The following INTS4 variants were observed in gnomAD, a reference collection of about 807,000 sequenced individuals.
INTS4 encodes the protein integrator complex subunit 4.
Under a neutral mutation model 119.5 loss-of-function variants are expected in INTS4, and 70 were observed. The ratio of observed to expected loss-of-function variants is 0.59; its 90% confidence interval spans 0.48 to 0.71. The LOEUF (loss-of-function observed/expected upper bound fraction) is 0.71, where lower values mean the gene tolerates loss of function less well. Among genes scored for constraint, INTS4 ranks in the 30% least tolerant of loss-of-function variants. INTS4 has a pLI of 0.00. For missense variants in INTS4, 867 were observed against 1,173.2 expected, an observed-to-expected ratio of 0.74 and a Z score of 3.81; for synonymous variants, 316 against 419.6, an observed-to-expected ratio of 0.75 and a Z score of 3.02.
chr11:77,981,090 T>C (rs1856193063), intron 3 of INTS4, among the ~76,000 whole-genome samples: 3 of 149,580 alleles, frequency 2.0e-5, no homozygotes, highest in South Asian at 4.2e-4. Context: ...TAGGGTAATA[T>C]ATAGCAAGGG....
intron 4 of INTS4, among the ~76,000 whole-genome samples, chr11:77,969,849 G>A (rs1019172745): frequency 2.6e-5 from 4 of 151,004 alleles, no homozygotes; most frequent in Non-Finnish European, 5.9e-5. Flanking sequence ...AACCACTAAC[G>A]TACTTTCTGT....
At chr11:77,911,840 C>T (rs1219600254) in intron 15 of INTS4, among the ~76,000 whole-genome samples, 1 of 152,168 alleles carries the variant, frequency 6.6e-6, no homozygotes, top group Non-Finnish European at 1.5e-5. Flanking sequence ...ATATGAATTG[C>T]AATTAATCCT....
intron 4 of INTS4, among the ~76,000 whole-genome samples, chr11:77,964,078 C>T (rs1855376259): frequency 6.6e-6 from 1 of 152,132 alleles, no homozygotes; most frequent in Admixed American, 6.6e-5. Context: ...TTCAGTTGTG[C>T]AGATGCTACA....
intron 10 of INTS4, among the ~76,000 whole-genome samples, chr11:77,932,214 A>C (rs983036490): frequency 1.1e-4 from 17 of 151,962 alleles, no homozygotes; most frequent in African/African-American, 3.6e-4. Context: ...AATATCCAGA[A>C]TCTACAAGGA....
chr11:77,960,068 T>G (rs1453198249), intron 6 of INTS4, among the ~76,000 whole-genome samples: 1 of 152,156 alleles, frequency 6.6e-6, no homozygotes, highest in East Asian at 1.9e-4. Flanking sequence ...TTATTCTAAA[T>G]GCTACACTTT....
intron 8 of INTS4, among the ~76,000 whole-genome samples, chr11:77,945,953 G>A (rs1311010952): frequency 6.6e-6 from 1 of 152,160 alleles, no homozygotes; most frequent in South Asian, 2.1e-4. Flanking sequence ...CAAAGCAACA[G>A]CCAACCAGGC....
rs183705792 is a variant in INTS4, at chr11:77,964,837, G to C, written c.472-3699C>G. On this transcript the variant is annotated intron_variant, in intron 4 of 22. Transcript: ENST00000534064. ...AAGATTTAATAACAGTTGCTAAAAT[G>C]GTGGGTAGTTTGATGAGGAAGAGCA... 5.8e-3 allele frequency among the ~76,000 whole-genome samples: 876 copies of C among 151,960 alleles called. 6 individuals carry two copies. The highest frequency in any genetic ancestry group is 0.019 in the African/African-American group (798 of 41,492).
chr11:77,912,006 T>A (rs1953097587), intron 15 of INTS4, among the ~76,000 whole-genome samples: 1 of 152,174 alleles, frequency 6.6e-6, no homozygotes, highest in South Asian at 2.1e-4. Context: ...ATTTATTTGC[T>A]ATTAAACTCT....
intron 4 of INTS4, among the ~76,000 whole-genome samples, chr11:77,966,068 ATGT>A (rs1386752801): frequency 1.3e-5 from 2 of 152,112 alleles, no homozygotes; most frequent in African/African-American, 2.4e-5. Context: ...ACGCTTAGTG[ATGT>A]TGTACACTTT....
chr11:77,884,023 G>C (rs1951893492), intron 21 of INTS4, 71 bp from the exon 22 acceptor site: 2 of 1,494,088 alleles, frequency 1.3e-6, no homozygotes, highest in Admixed American at 3.6e-5. Flanking sequence ...GATGACATCT[G>C]TTGTGAACCT....
chr11:77,965,527 TACTCTCTTTGAGTTCA>T (rs1855465745), intron 4 of INTS4, among the ~76,000 whole-genome samples: 11 of 152,278 alleles, frequency 7.2e-5, no homozygotes, highest in Middle Eastern at 3.4e-3. Context: ...ATCATCACTC[TACTCTCTTTGAGTTCA>T]ACTTTTTAAA....
chr11:77,960,300 G>A (rs1487320997), intron 6 of INTS4, 41 bp downstream of exon 6: 2 of 1,463,966 alleles, frequency 1.4e-6, no homozygotes. Flanking sequence ...CCAGCTTCAT[G>A]ATACCTCCAA....
intron 1 of INTS4, 103 bp from the exon 2 acceptor site, chr11:77,991,402 A>T (rs1856683644): frequency 1.1e-6 from 1 of 913,518 alleles, no homozygotes; most frequent in Non-Finnish European, 1.7e-6. Context: ...TATTTAGCTG[A>T]TGGACTTAGG....
chr11:77,932,956 CA>C (rs1238380024), intron 10 of INTS4, among the ~76,000 whole-genome samples: 48 of 19,342 alleles, frequency 2.5e-3, no homozygotes, highest in African/African-American at 8.6e-3. Flanking sequence ...TGGGGCCTGT[CA>C]GGGGGTGGGG....
At chr11:77,944,056 G>A (rs1953991972) in intron 8 of INTS4, among the ~76,000 whole-genome samples, 1 of 152,156 alleles carries the variant, frequency 6.6e-6, no homozygotes, top group Admixed American at 6.6e-5. Flanking sequence ...ATAGTCCCAT[G>A]AATCTCCTTA....
At chr11:77,903,422 C>T (rs1952838948) in intron 17 of INTS4, 118 bp downstream of exon 17, 1 of 1,607,484 alleles carries the variant, frequency 6.2e-7, no homozygotes, top group East Asian at 2.2e-5. Flanking sequence ...AGCTACATGC[C>T]ACAACTTTTC....
chr11:77,951,526 A>G (rs1954195968), intron 8 of INTS4, among the ~76,000 whole-genome samples: 1 of 152,236 alleles, frequency 6.6e-6, no homozygotes, highest in Non-Finnish European at 1.5e-5. Context: ...GATGGATTAA[A>G]GACTTAAATG....
chr11:77,879,958 G>T (rs185784542), intron 22 of INTS4, among the ~76,000 whole-genome samples: 1 of 152,148 alleles, frequency 6.6e-6, no homozygotes, highest in East Asian at 1.9e-4. Flanking sequence ...GAATCAGATA[G>T]GTTCTCAGAG....
Position 77,901,458 on chromosome 11 carries a change from C to T in INTS4, c.2191G>A (p.Ala731Thr). Residue 731 changes from alanine to threonine, a missense_variant, in exon 18 of 23, where the codon GCT (alanine) becomes ACT (threonine). Physicochemically the swap from Ala to Thr is moderately conservative, Grantham distance 58. This residue lies in a region of INTS4 where 262 missense variants were observed against 376.0 expected (regional missense o/e 0.70). Coordinates refer to ENST00000534064, the MANE Select transcript of INTS4 (RefSeq NM_033547.4). Reference sequence around the variant, plus strand: ...CGTGCTGTTACTATAAGTTGCAAAGCTTTGGCCTGCAGCCTCATGTGATGT... The same window carrying T: ...CGTGCTGTTACTATAAGTTGCAAAGTTTTGGCCTGCAGCCTCATGTGATGT... The part of the protein sequence containing the change: ...IIHHMRLQAK[A>T]LQLIVTARTT... The T allele has an allele frequency of 1.2e-6, 2 of 1,613,964 alleles. No individual in the cohort carries two copies. Among genetic ancestry groups the T allele is most frequent in the Middle Eastern group, 1.7e-4 (1 of 6,056 alleles).
Sources: allele counts gnomAD v4.1 joint callset (sites outside exome capture counted in the v4.1 genomes callset), GRCh38; gene constraint gnomAD v4.1.1; regional missense constraint gnomAD v4.1.1; transcripts MANE v1.5; gene names NCBI Gene and HGNC (gene_info 2026-07-23, HGNC 2026-07-21).